The following COQ3 variants were observed in gnomAD, a reference collection of about 807,000 sequenced individuals.
COQ3 encodes the protein ubiquinone biosynthesis O-methyltransferase, mitochondrial.
Under a neutral mutation model 33.1 loss-of-function variants are expected in COQ3, and 29 were observed. The ratio of observed to expected loss-of-function variants is 0.88; its 90% CI spans 0.65 to 1.19. The LOEUF (loss-of-function observed/expected upper bound fraction) is 1.19, where lower values mean the gene tolerates loss of function less well. Among genes scored for constraint, COQ3 ranks in the 50% most tolerant of loss-of-function variants. COQ3 has a pLI of 0.00. For synonymous variants in COQ3, 173 were observed against 157.8 expected (o/e 1.10, Z -0.72); for missense variants, 437 against 430.7 (o/e 1.01, Z -0.13).
intron 6 of COQ3, 35 bp downstream of exon 6, chr6:99,371,393 C>T: frequency 6.8e-7 from 1 of 1,479,614 alleles, no homozygotes. Flanking sequence ...TTCAGCTAGG[C>T]CTGGAAAATT....
intron 1 of COQ3, among the ~76,000 whole-genome samples, chr6:99,388,212 CA>C (rs1295877918): frequency 5.9e-5 from 9 of 151,884 alleles, no homozygotes; most frequent in African/African-American, 2.2e-4. Flanking sequence ...TCAAAGATTA[CA>C]AAGGCAACAC....
Position 99,375,942 on chromosome 6 carries a change from T to G in COQ3, c.727A>C (p.Lys243Gln). 6.2e-7 allele frequency: 1 copy of G among 1,613,978 alleles called. No homozygotes were observed. The highest frequency in any genetic ancestry group is 8.5e-7 in the Non-Finnish European group (1 of 1,180,006). ...GATGTAAACTCCATAAGCCTTACTT[T>G]TAACACTTGACAGCAGCACTGTAAA... Reference protein sequence around the residue: ...TFLQCCCQVLKPGGSLFITTI... With the variant: ...TFLQCCCQVLQPGGSLFITTI... The change falls in exon 5 of 7, where the codon AAA (lysine) becomes CAA (glutamine). Residue 243 changes from lysine to glutamine, a missense_variant and splice_region_variant. By Grantham distance (53) the Lys-to-Gln change is moderately conservative. Transcript: ENST00000254759.
At chr6:99,384,360 A>T (rs1446795007) in intron 1 of COQ3, among the ~76,000 whole-genome samples, 1 of 152,242 alleles carries the variant, frequency 6.6e-6, no homozygotes, top group African/African-American at 2.4e-5. Flanking sequence ...GTAATTAGCC[A>T]AAACAAGTAA....
rs1411600715 is a variant in COQ3 at position 99,383,698 on chromosome 6, C to T, written c.233G>A (p.Arg78Lys). The T allele has an allele frequency of 6.4e-7, 1 of 1,569,044 alleles. No individual in the cohort carries two copies. Among genetic ancestry groups the T allele is most frequent in the Non-Finnish European group, 8.6e-7 (1 of 1,163,732 alleles). Reference protein sequence around the residue: ...FSCLNRIKSFRYPWARLYSTS... With the variant: ...FSCLNRIKSFKYPWARLYSTS... ...TTTGCCACAGTAATAATAAACCCAC[C>T]TGAAACTCTTTATTCTGTTCAAACA... is the stretch of plus-strand genomic sequence containing the variant. The change falls in exon 2 of 7, where the codon AGG (arginine) becomes AAG (lysine). Residue 78 changes from arginine (R) to lysine (K), a missense_variant and splice_region_variant. Coordinates refer to ENST00000254759, the MANE Select transcript of COQ3 (RefSeq NM_017421.4).
chr6:99,393,570 C>T (rs1774887563), intron 1 of COQ3, among the ~76,000 whole-genome samples: 1 of 152,230 alleles, frequency 6.6e-6, no homozygotes, highest in Admixed American at 6.5e-5. Flanking sequence ...TCTACAAGCA[C>T]TGAGCAGTGC....
At chr6:99,390,060 G>A (rs1305470585) in intron 1 of COQ3, among the ~76,000 whole-genome samples, 1 of 151,998 alleles carries the variant, frequency 6.6e-6, no homozygotes, top group Non-Finnish European at 1.5e-5. Flanking sequence ...ATTGCAGTGG[G>A]CAAGATCACG....
Position 99,374,144 on chromosome 6 carries a change from T to TAAA in COQ3, c.729+1795_729+1796insTTT, listed in dbSNP as rs1562202103. Among the ~76,000 whole-genome samples, 8 of 144,534 alleles carry TAAA rather than the reference T, an allele frequency of 5.5e-5. No individual in the cohort carries two copies. In the South Asian group the frequency reaches 1.7e-3, roughly 31 times the overall value. The allele number at this position is 144,534 out of a possible 152,430, so 94.8% of individuals were successfully genotyped here. On this transcript the variant is annotated intron_variant, in intron 5 of 6. Transcript: ENST00000254759. ...TAGCAAAAAAAAAAAAAAAAAAAAA[T>TAAA]TAATAAAATTTAACGAGCTCTGTAG...
At chr6:99,392,629 C>CTT (rs398002413) in intron 1 of COQ3, among the ~76,000 whole-genome samples, 22 of 143,276 alleles carry the variant, frequency 1.5e-4, no homozygotes, top group South Asian at 2.2e-4. Context: ...TCTCCAACTG[C>CTT]TTTTTTTTTT....
chr6:99,376,963 C>CA (rs1351557111), intron 4 of COQ3, among the ~76,000 whole-genome samples: 114 of 141,060 alleles, frequency 8.1e-4, no homozygotes, highest in African/African-American at 2.0e-3. Flanking sequence ...AACTCTGTCT[C>CA]AAAAAAAAAA....
Position 99,369,528 on chromosome 6 carries a change from G to T in COQ3, c.*72C>A. The T allele has an allele frequency of 4.5e-6, 5 of 1,115,696 alleles. No individual in the cohort carries two copies. The highest frequency in any genetic ancestry group is 2.9e-5 in the South Asian group (2 of 68,056). The allele number at this position is 1,115,696 out of a possible 1,614,324, so 69.1% of individuals were successfully genotyped here. On this transcript the variant is annotated 3_prime_UTR_variant, in exon 7 of 7. Transcript: ENST00000254759. ...TTTTCTTCATGATTCTCTCTCAAAG[G>T]ATAAATTGTACATTTTTGTATTTGA...
chr6:99,384,195 A>C (rs988571677), intron 1 of COQ3, among the ~76,000 whole-genome samples: 5 of 152,084 alleles, frequency 3.3e-5, no homozygotes, highest in Non-Finnish European at 7.4e-5. Flanking sequence ...GCCTGGACAA[A>C]ATTTTATTTT....
At chr6:99,391,232 A>T (rs1269119856) in intron 1 of COQ3, among the ~76,000 whole-genome samples, 4 of 151,038 alleles carry the variant, frequency 2.6e-5, no homozygotes, top group Admixed American at 6.6e-5. Context: ...TCCAGTAGCG[A>T]GGTCCACAGA....
rs749736664 is a variant in COQ3 at position 99,377,380 on chromosome 6, A to C, written c.486+6T>G. ...AGTTAAAAATGGCAGGAAAGCTGTC[A>C]CTTACTTCAGTTAACAGCCCACCAC... On this transcript the variant is annotated splice_donor_region_variant and intron_variant, in intron 4 of 6. Coordinates refer to ENST00000254759, the MANE Select transcript of COQ3 (RefSeq NM_017421.4). 1.9e-6 allele frequency: 3 copies of C among 1,607,304 alleles called. No individual in the cohort carries two copies. Among genetic ancestry groups the C allele is most frequent in the Non-Finnish European group, 2.6e-6 (3 of 1,173,972 alleles).
intron 2 of COQ3, among the ~76,000 whole-genome samples, chr6:99,381,248 C>T (rs1774465330): frequency 6.6e-6 from 1 of 152,260 alleles, no homozygotes. Flanking sequence ...AATCTGTTCT[C>T]CATGATGCAT....
At chr6:99,376,593 T>G (rs1258365854) in intron 4 of COQ3, among the ~76,000 whole-genome samples, 2 of 152,258 alleles carry the variant, frequency 1.3e-5, no homozygotes, top group Non-Finnish European at 2.9e-5. Context: ...AAAAGTTTTT[T>G]TCTCTGACTA....
At position 99,392,007 on chromosome 6, in the gene COQ3, AAATT is replaced by A. The variant is rs537338344; in HGVS notation, c.106+2063_106+2066del. Among the ~76,000 whole-genome samples the A allele has an allele frequency of 6.6e-5, 10 of 152,152 alleles. No homozygotes were observed. In the East Asian group the frequency reaches 1.9e-3, roughly 29 times the overall value. On this transcript the variant is annotated intron_variant, in intron 1 of 6. Coordinates refer to ENST00000254759, the MANE Select transcript of COQ3 (RefSeq NM_017421.4). ...GAGCAAGACCTTTTCTCAAAAAAAA[AAATT>A]AATTAATCTAAAAAGTAAAAATAAA...
intron 4 of COQ3, among the ~76,000 whole-genome samples, chr6:99,376,519 A>T (rs900284789): frequency 2.6e-5 from 4 of 152,266 alleles, no homozygotes; most frequent in Admixed American, 1.3e-4. Flanking sequence ...AAATGTAACA[A>T]GCCATTGAAA....
At chr6:99,383,672 A>G (rs779971687) in intron 2 of COQ3, 26 bp downstream of exon 2, 2 of 1,530,380 alleles carry the variant, frequency 1.3e-6, no homozygotes, top group East Asian at 4.6e-5. Flanking sequence ...TTACGTGAAT[A>G]TTTGCCACAG....
At chr6:99,374,638 G>C (rs1371232717) in intron 5 of COQ3, among the ~76,000 whole-genome samples, 1 of 152,128 alleles carries the variant, frequency 6.6e-6, no homozygotes, top group Non-Finnish European at 1.5e-5. Flanking sequence ...GCCACATTCA[G>C]AGAACAAAGT....
Sources: allele counts gnomAD v4.1 joint callset (sites outside exome capture counted in the v4.1 genomes callset), GRCh38; gene constraint gnomAD v4.1.1; transcripts MANE v1.5; gene names NCBI Gene and HGNC (gene_info 2026-07-23, HGNC 2026-07-21).